The following LRRC73 variants were observed in gnomAD, a reference collection of about 807,000 sequenced individuals.
LRRC73 encodes leucine-rich repeat-containing protein 73.
LRRC73 carries 16 observed loss-of-function variants against 26.4 expected under a neutral mutation model. The ratio of observed to expected loss-of-function variants is 0.61; its 90% confidence interval spans 0.41 to 0.92. The LOEUF (loss-of-function observed/expected upper bound fraction) is 0.92, where lower values mean the gene tolerates loss of function less well. Among genes scored for constraint, LRRC73 ranks in the 40% least tolerant of loss-of-function variants. LRRC73 has a pLI of 0.00. For missense variants in LRRC73, 344 were observed against 416.3 expected (o/e 0.83, Z 1.51); for synonymous variants, 210 against 179.8 (o/e 1.17, Z -1.34).
Position 43,507,896 on chromosome 6 carries a change from G to GC in LRRC73, c.586dup (p.Ala196GlyfsTer5), listed in dbSNP as rs1210951497. The GC allele has an allele frequency of 6.2e-7, 1 of 1,613,800 alleles. No homozygotes were observed. Among genetic ancestry groups the GC allele is most frequent in the Non-Finnish European group, 8.5e-7 (1 of 1,179,936 alleles). On this transcript the variant is annotated frameshift_variant, in exon 4 of 6. Coordinates refer to ENST00000372441, the Ensembl canonical transcript of LRRC73. LOFTEE classifies it high-confidence loss of function. Reference sequence around the variant, plus strand: ...CTCTAGGGTACGACTAGAGGCCACAGCTACAGCCAGCATTCCTGCCACATG... The same window carrying GC: ...CTCTAGGGTACGACTAGAGGCCACAGCCTACAGCCAGCATTCCTGCCACATG...
At chr6:43,507,485 C>T (rs1298024997) in exon 5 of LRRC73, 2 of 1,613,170 alleles carry the variant, frequency 1.2e-6, no homozygotes, top group Non-Finnish European at 1.7e-6. Flanking sequence ...GCTGCTGCCT[C>T]TCTGGTGGGC....
exon 6 of LRRC73, chr6:43,507,124 CA>C: frequency 9.3e-7 from 1 of 1,080,828 alleles, no homozygotes; most frequent in Non-Finnish European, 1.4e-6. Flanking sequence ...CCAGAGCCCC[CA>C]TGCAGCCCCT....
At chr6:43,507,630 C>G (rs749649304) in exon 5 of LRRC73, 1 of 1,614,152 alleles carries the variant, frequency 6.2e-7, no homozygotes, top group Non-Finnish European at 8.5e-7. Context: ...TCAGCCAACA[C>G]CAGGCTCCGC....
At position 43,508,356 on chromosome 6, in the gene LRRC73, GGCAAGGCGGCTCCA is replaced by G; in HGVS notation, c.484_497del (p.Trp162HisfsTer21). 6.2e-7 allele frequency: 1 copy of G among 1,613,704 alleles called. No homozygotes were observed. The highest frequency in any genetic ancestry group is 8.5e-7 in the Non-Finnish European group (1 of 1,179,900). On this transcript the variant is annotated frameshift_variant, in exon 3 of 6. Coordinates refer to ENST00000372441, the Ensembl canonical transcript of LRRC73. LOFTEE classifies it high-confidence loss of function. The stretch of plus-strand genomic sequence containing the variant: ...CCTGGGAGCTGTGGGCCACGGCAAT[GGCAAGGCGGCTCCA>G]GCCCTTAGGGGTGATGCCAGGGTTG...
At chr6:43,509,021 G>A in intron 1 of LRRC73, 101 bp from the exon 2 acceptor site, 2 of 1,256,136 alleles carry the variant, frequency 1.6e-6, no homozygotes, top group Non-Finnish European at 2.1e-6. Flanking sequence ...GGGGAGGGCA[G>A]TCACAGCGCT....
intron 4 of LRRC73, 66 bp downstream of exon 4, chr6:43,507,760 T>C: frequency 6.3e-7 from 1 of 1,589,038 alleles, no homozygotes; most frequent in Non-Finnish European, 8.6e-7. Context: ...CTTAGGTATG[T>C]CATCAGACAC....
In LRRC73 at chr6:43,508,759, C is replaced by T; in HGVS notation, c.433+1G>A. 1 of 1,606,226 alleles carries T rather than the reference C, an allele frequency of 6.2e-7. No individual in the cohort carries two copies. Among genetic ancestry groups the T allele is most frequent in the African/African-American group, 1.3e-5 (1 of 74,916 alleles). On this transcript the variant is annotated splice_donor_variant, in intron 2 of 5. Coordinates refer to ENST00000372441, the Ensembl canonical transcript of LRRC73. LOFTEE classifies it high-confidence loss of function. ...CAAGCCCTCAACAGGGTCCTGCTCA[C>T]CAGATTTGGCCCCATCTGGGGGCAG...
chr6:43,509,953 T>A, exon 1 of LRRC73: 1 of 460,864 alleles, frequency 2.2e-6, no homozygotes, highest in Non-Finnish European at 3.4e-6. Context: ...CGGCGGAGGC[T>A]GCGGCGGGGG....
chr6:43,508,489 C>T (rs1792573866), intron 2 of LRRC73, 69 bp from the exon 3 acceptor site: 18 of 1,604,554 alleles, frequency 1.1e-5, no homozygotes, highest in Admixed American at 1.7e-5. Flanking sequence ...TCCCCACAAT[C>T]CCTGTGTCTC....
exon 5 of LRRC73, chr6:43,507,540 C>T: frequency 1.2e-6 from 2 of 1,613,896 alleles, no homozygotes; most frequent in Middle Eastern, 1.6e-4. Context: ...TCGCCAGCCC[C>T]TCCTGCCACT....
chr6:43,507,534 C>A lies in LRRC73; in HGVS notation c.802G>T (p.Gly268Cys), dbSNP rs75528024. 1.9e-3 allele frequency: 2,991 copies of A among 1,613,690 alleles called. 40 individuals carry two copies. In the African/African-American group the frequency reaches 0.035, roughly 19 times the overall value. ...CCTCTCTCCCATTCCTGGGTGTCGC[C>A]AGCCCCTCCTGCCACTTCCTCCTCC... is the stretch of plus-strand genomic sequence containing the variant. The change falls in exon 5 of 6, where the codon GGC becomes TGC. Residue 268 changes from glycine (G) to cysteine (C), a missense_variant. Coordinates refer to ENST00000372441, the Ensembl canonical transcript of LRRC73.
chr6:43,510,166 G>GGCGGCA (rs1044665174), exon 1 of LRRC73: 29 of 173,118 alleles, frequency 1.7e-4, no homozygotes, highest in Admixed American at 3.8e-4. Flanking sequence ...CGGCGGCGGC[G>GGCGGCA]GCGGCAGCGG....
At chr6:43,509,627 G>C in exon 1 of LRRC73, 1 of 1,603,738 alleles carries the variant, frequency 6.2e-7, no homozygotes, top group Non-Finnish European at 8.5e-7. Context: ...ACGTGGCCCC[G>C]GCCAGGGCCC....
At chr6:43,507,729 T>C (rs1792537778) in intron 4 of LRRC73, 51 bp from the exon 5 acceptor site, 1 of 1,592,784 alleles carries the variant, frequency 6.3e-7, no homozygotes. Flanking sequence ...AGGCAGGTCC[T>C]CAGACCTCAA....
At chr6:43,508,301 G>T in exon 3 of LRRC73, 1 of 1,611,420 alleles carries the variant, frequency 6.2e-7, no homozygotes, top group Non-Finnish European at 8.5e-7. Context: ...GCCTCACCCA[G>T]GGGGTTGTAA....
At chr6:43,507,019 A>G in exon 6 of LRRC73, 2 of 568,098 alleles carry the variant, frequency 3.5e-6, no homozygotes, top group South Asian at 4.1e-5. Flanking sequence ...AGAGCTGCCA[A>G]GTTCAAAGGC....
chr6:43,508,949 T>C, intron 1 of LRRC73, 29 bp from the exon 2 acceptor site: 1 of 1,557,350 alleles, frequency 6.4e-7, no homozygotes, highest in Non-Finnish European at 8.7e-7. Context: ...GCAGGGTTAC[T>C]GCAGTCCTCC....
chr6:43,507,785 A>AC (rs1792540161), intron 4 of LRRC73, 41 bp downstream of exon 4: 2 of 1,602,332 alleles, frequency 1.2e-6, no homozygotes, highest in Non-Finnish European at 1.7e-6. Flanking sequence ...ACTAACCTCC[A>AC]CCCCATCCCC....
chr6:43,509,033 G>T, intron 1 of LRRC73, 113 bp from the exon 2 acceptor site: 1 of 1,082,106 alleles, frequency 9.2e-7, no homozygotes, highest in South Asian at 2.0e-5. Flanking sequence ...CACAGCGCTT[G>T]AGAGGCCTGG....
Sources: allele counts gnomAD v4.1 joint callset, GRCh38; gene constraint gnomAD v4.1.1; transcripts MANE v1.5; gene names NCBI Gene and HGNC (gene_info 2026-07-23, HGNC 2026-07-21).